AMOTL1: variants seen among roughly 807,000 people sequenced by gnomAD.
AMOTL1 encodes angiomotin like 1.
Under a neutral mutation model 102.9 loss-of-function variants are expected in AMOTL1, and 45 were observed. The observed-to-expected ratio is 0.44, with a 90% CI of 0.34 to 0.56. The LOEUF (loss-of-function observed/expected upper bound fraction) is 0.56. Ranked by LOEUF, AMOTL1 falls within the 20% of genes least tolerant of loss-of-function variation. The pLI, the probability that AMOTL1 is intolerant of heterozygous loss-of-function variation, is 0.01. For missense variants in AMOTL1, 1,114 were observed against 1,225.6 expected (o/e 0.91, Z 1.36); for synonymous variants, 481 against 484.7 (o/e 0.99, Z 0.10).
intron 12 of AMOTL1, among the ~76,000 whole-genome samples, 193 bp downstream of exon 12, chr11:94,869,666 T>C (rs1169215453): frequency 6.6e-6 from 1 of 152,152 alleles, no homozygotes; most frequent in Non-Finnish European, 1.5e-5. Context: ...ACACATCTAG[T>C]TTATTACTAT....
At chr11:94,805,522 T>G (rs569408252) in intron 3 of AMOTL1, among the ~76,000 whole-genome samples, 1 of 152,228 alleles carries the variant, frequency 6.6e-6, no homozygotes, top group African/African-American at 2.4e-5. Flanking sequence ...TTGTATGTTT[T>G]AGGCAGTATC....
intron 6 of AMOTL1, among the ~76,000 whole-genome samples, chr11:94,835,883 T>C (rs1592016848): frequency 6.6e-6 from 1 of 152,228 alleles, no homozygotes; most frequent in East Asian, 1.9e-4. Context: ...CAGAACTATA[T>C]GCATTTGATT....
intron 6 of AMOTL1, among the ~76,000 whole-genome samples, chr11:94,840,679 T>TACACACAC (rs1347475318): frequency 5.3e-4 from 68 of 129,356 alleles, no homozygotes; most frequent in African/African-American, 2.1e-3. Flanking sequence ...TATATATATA[T>TACACACAC]ATACACACAC....
chr11:94,710,884 C>T (rs750602933), intron 1 of AMOTL1, among the ~76,000 whole-genome samples: 2 of 152,086 alleles, frequency 1.3e-5, no homozygotes, highest in Non-Finnish European at 2.9e-5. Context: ...TCTTACCTTC[C>T]ACTCTGTAGC....
chr11:94,783,147 G>A (rs1367904211), intron 1 of AMOTL1, among the ~76,000 whole-genome samples: 1 of 152,166 alleles, frequency 6.6e-6, no homozygotes, highest in Non-Finnish European at 1.5e-5. Context: ...AGGCTAGCTG[G>A]GGTTGAATCA....
intron 8 of AMOTL1, 38 bp downstream of exon 8, chr11:94,854,120 A>G: frequency 6.7e-7 from 1 of 1,489,330 alleles, no homozygotes; most frequent in Non-Finnish European, 9.0e-7. Flanking sequence ...AGAATTAGAT[A>G]TGTTCACTCA....
chr11:94,797,501 G>A (rs1342330905), intron 2 of AMOTL1, among the ~76,000 whole-genome samples: 1 of 152,188 alleles, frequency 6.6e-6, no homozygotes, highest in Non-Finnish European at 1.5e-5. Flanking sequence ...GAGGAGTTTA[G>A]ACTCTTGTAT....
intron 1 of AMOTL1, among the ~76,000 whole-genome samples, chr11:94,781,392 AATTG>A (rs1951109562): frequency 6.6e-6 from 1 of 152,072 alleles, no homozygotes. Flanking sequence ...TCTCAGTTAC[AATTG>A]ATTGTCAGCA....
intron 1 of AMOTL1, among the ~76,000 whole-genome samples, chr11:94,712,053 G>T (rs1205686009): frequency 6.6e-6 from 1 of 152,032 alleles, no homozygotes; most frequent in African/African-American, 2.4e-5. Flanking sequence ...AATATTTTAT[G>T]TTACCACCAG....
intron 3 of AMOTL1, among the ~76,000 whole-genome samples, chr11:94,750,102 A>G (rs1039015203): frequency 9.9e-5 from 15 of 152,156 alleles, no homozygotes; most frequent in Non-Finnish European, 1.6e-4. Flanking sequence ...CCACAGTGGT[A>G]CCCCCAAATA....
intron 3 of AMOTL1, among the ~76,000 whole-genome samples, chr11:94,802,182 A>G (rs1026178811): frequency 6.6e-6 from 1 of 152,216 alleles, no homozygotes; most frequent in Non-Finnish European, 1.5e-5. Flanking sequence ...TCCTCCCAGG[A>G]ATCCAAGATG....
At chr11:94,788,958 G>A (rs61893494) in intron 1 of AMOTL1, among the ~76,000 whole-genome samples, 2,758 of 152,190 alleles carry the variant, frequency 0.018, 47 homozygotes, top group Non-Finnish European at 0.03. Context: ...ATTGGTCCAG[G>A]GTTTAGAATT....
chr11:94,736,511 C>G lies in AMOTL1; in HGVS notation c.86-4427C>G, dbSNP rs555775468. ...AGGTGATCCACCTGCCTCTGCCTCC[C>G]AAAGTGTTGTGATTACAGGCATGAG... is the stretch of plus-strand genomic sequence containing the variant. On this transcript the variant is annotated intron_variant, in intron 2 of 4. Coordinates refer to the AMOTL1 transcript ENST00000299004. Among the ~76,000 whole-genome samples, 3 of 152,246 alleles carry G rather than the reference C, an allele frequency of 2.0e-5. No homozygotes were observed. In the East Asian group the frequency reaches 5.8e-4, roughly 29 times the overall value.
chr11:94,764,008 T>C (rs1263498536), upstream of AMOTL1, among the ~76,000 whole-genome samples: 3 of 152,178 alleles, frequency 2.0e-5, no homozygotes, highest in African/African-American at 7.2e-5. Flanking sequence ...AAAGAAGAAA[T>C]TAAAAGAAAA....
intron 1 of AMOTL1, among the ~76,000 whole-genome samples, chr11:94,716,796 T>TG (rs1950104675): frequency 6.6e-6 from 1 of 152,088 alleles, no homozygotes; most frequent in Non-Finnish European, 1.5e-5. Flanking sequence ...ATTCTATTAT[T>TG]GGATGGGGTT....
chr11:94,738,266 T>C (rs896870564), intron 2 of AMOTL1, among the ~76,000 whole-genome samples: 9 of 151,886 alleles, frequency 5.9e-5, no homozygotes, highest in Non-Finnish European at 1.0e-4. Context: ...GTGCTTTTTT[T>C]TTTTTTTTTG....
In AMOTL1 at chr11:94,821,554, A is replaced by G. The variant is rs1449714002; in HGVS notation, c.1146A>G (p.Pro382=). ...GCCGCCCATGCCAACTTCCGTTCCC[A>G]TCAACCATGCAGCAGCACAGCCCCA... ...VTSRPCQLPF[P]STMQQHSPMS... The change falls in exon 4 of 13, where the codon CCA becomes CCG. Residue 382 remains proline, a synonymous_variant. Coordinates refer to ENST00000433060, the MANE Select transcript of AMOTL1 (RefSeq NM_130847.3). The G allele has an allele frequency of 1.9e-6, 3 of 1,613,552 alleles. No homozygotes were observed. Among genetic ancestry groups the G allele is most frequent in the Non-Finnish European group, 2.5e-6 (3 of 1,179,808 alleles).
chr11:94,744,947 T>G (rs1007986073), intron 3 of AMOTL1, among the ~76,000 whole-genome samples: 3 of 152,204 alleles, frequency 2.0e-5, no homozygotes, highest in African/African-American at 4.8e-5. Flanking sequence ...TTTTTTAAAT[T>G]TTTAAATCAA....
chr11:94,735,513 T>C (rs191742684), intron 2 of AMOTL1, among the ~76,000 whole-genome samples: 1 of 152,366 alleles, frequency 6.6e-6, no homozygotes, highest in East Asian at 1.9e-4. Flanking sequence ...TGTTTTCTAA[T>C]GGTTGATAAG....
Sources: gnomAD v4.1 joint callset for allele counts (sites outside exome capture counted in the v4.1 genomes callset) on GRCh38, gnomAD v4.1.1 for gene constraint, MANE v1.5 for transcripts, NCBI Gene and HGNC (gene_info 2026-07-23, HGNC 2026-07-21) for gene names.